The following ZBTB40 variants were observed in gnomAD, a reference collection of about 807,000 sequenced individuals.
ZBTB40 encodes the protein zinc finger and BTB domain containing 40.
ZBTB40 carries 60 observed loss-of-function variants against 117.5 expected under a neutral mutation model. The ratio of observed to expected loss-of-function variants is 0.51; its 90% CI spans 0.41 to 0.63. The LOEUF is 0.63. ZBTB40 is among the 30% of genes least tolerant of loss of function. The pLI is 0.00. For synonymous variants in ZBTB40, 525 were observed against 577.1 expected (o/e 0.91, Z 1.29); for missense variants, 1,287 against 1,498.5 (o/e 0.86, Z 2.33).
chr1:22,468,043 C>T (rs1035143411), intron 1 of ZBTB40, among the ~76,000 whole-genome samples: 3 of 150,042 alleles, frequency 2.0e-5, no homozygotes, highest in Non-Finnish European at 4.4e-5. Context: ...GAGCCAAGGT[C>T]GCACCACTGT....
At chr1:22,488,674 G>A (rs1282273636) in intron 1 of ZBTB40, among the ~76,000 whole-genome samples, 1 of 152,210 alleles carries the variant, frequency 6.6e-6, no homozygotes, top group African/African-American at 2.4e-5. Flanking sequence ...GGCTTGCTAG[G>A]CCATTGTAAG....
chr1:22,512,903 T>A, intron 11 of ZBTB40, 21 bp from the exon 12 acceptor site: 1 of 1,613,636 alleles, frequency 6.2e-7, no homozygotes, highest in South Asian at 1.1e-5. Context: ...TTCTGGCCTC[T>A]GGTGTGCTTG....
intron 6 of ZBTB40, 100 bp downstream of exon 6, chr1:22,506,341 T>C: frequency 2.5e-6 from 3 of 1,188,886 alleles, no homozygotes; most frequent in Non-Finnish European, 3.7e-6. Flanking sequence ...TAAGATTATG[T>C]TAAGAAATGT....
At chr1:22,439,670 C>G (rs898629704) in intron 1 of ZBTB40, among the ~76,000 whole-genome samples, 2 of 152,126 alleles carry the variant, frequency 1.3e-5, no homozygotes, top group Non-Finnish European at 2.9e-5. Flanking sequence ...TTTCTAAGCT[C>G]TTTATTCTAC....
chr1:22,484,683 AG>A (rs1361030477), intron 1 of ZBTB40, among the ~76,000 whole-genome samples: 3 of 152,202 alleles, frequency 2.0e-5, no homozygotes, highest in African/African-American at 7.2e-5. Context: ...ACAGTGTTTA[AG>A]ATCAGTGGTG....
intron 1 of ZBTB40, among the ~76,000 whole-genome samples, chr1:22,472,314 G>T (rs757862777): frequency 1.1e-4 from 16 of 151,880 alleles, no homozygotes; most frequent in Non-Finnish European, 2.4e-4. Context: ...CTCCCAAGTA[G>T]CCGGGACTAT....
chr1:22,485,773 G>A (rs1430739218), intron 1 of ZBTB40, among the ~76,000 whole-genome samples: 1 of 151,644 alleles, frequency 6.6e-6, no homozygotes, highest in Non-Finnish European at 1.5e-5. Context: ...TTTCGTTTTG[G>A]ATTGTTACGT....
chr1:22,505,944 A>C, intron 5 of ZBTB40, 105 bp from the exon 6 acceptor site: 1 of 1,136,002 alleles, frequency 8.8e-7, no homozygotes, highest in East Asian at 2.4e-5. Context: ...GAGGACTTGG[A>C]GATCAGGCAT....
At chr1:22,473,259 C>T (rs556599588) in intron 1 of ZBTB40, among the ~76,000 whole-genome samples, 5 of 152,106 alleles carry the variant, frequency 3.3e-5, no homozygotes, top group South Asian at 4.2e-4. Flanking sequence ...TAGCAAGATC[C>T]GCAGGTGATT....
At chr1:22,504,935 C>G (rs1452144468) in intron 5 of ZBTB40, among the ~76,000 whole-genome samples, 1 of 152,130 alleles carries the variant, frequency 6.6e-6, no homozygotes, top group Non-Finnish European at 1.5e-5. Flanking sequence ...GATACAAGCT[C>G]TTAATTTTTA....
At chr1:22,485,284 CA>C (rs1638434761) in intron 1 of ZBTB40, among the ~76,000 whole-genome samples, 2 of 152,092 alleles carry the variant, frequency 1.3e-5, no homozygotes, top group Admixed American at 1.3e-4. Context: ...CTGTTGCTTC[CA>C]CTTTGGGGAG....
intron 1 of ZBTB40, among the ~76,000 whole-genome samples, chr1:22,446,144 C>T (rs1015190861): frequency 2.0e-5 from 3 of 150,960 alleles, no homozygotes; most frequent in East Asian, 2.0e-4. Context: ...GCCTTTGATA[C>T]GCTTATTATA....
chr1:22,486,457 C>T (rs1638468545), intron 1 of ZBTB40, among the ~76,000 whole-genome samples: 1 of 152,200 alleles, frequency 6.6e-6, no homozygotes, highest in Admixed American at 6.5e-5. Context: ...ACAGAGTGCT[C>T]TGGCAGATTT....
chr1:22,514,787 A>G (rs1323760310), intron 12 of ZBTB40, among the ~76,000 whole-genome samples: 4 of 152,186 alleles, frequency 2.6e-5, no homozygotes, highest in African/African-American at 9.7e-5. Flanking sequence ...ATGAGTGGCA[A>G]GCTGTTAGTC....
intron 9 of ZBTB40, 150 bp from the exon 10 acceptor site, chr1:22,511,029 C>A: frequency 2.0e-6 from 2 of 986,248 alleles, no homozygotes; most frequent in Non-Finnish European, 3.1e-6. Context: ...GAGCTGTCCA[C>A]TACATTTATC....
At chr1:22,491,003 C>T (rs1297368748) in intron 2 of ZBTB40, among the ~76,000 whole-genome samples, 1 of 152,198 alleles carries the variant, frequency 6.6e-6, no homozygotes, top group African/African-American at 2.4e-5. Context: ...TCAAGCAATT[C>T]TCCTGCCTCA....
chr1:22,465,265 C>T (rs537395622), intron 1 of ZBTB40, among the ~76,000 whole-genome samples: 2 of 152,248 alleles, frequency 1.3e-5, no homozygotes, highest in East Asian at 3.9e-4. Context: ...AGGGTAACTC[C>T]TCTCTGCGGG....
intron 1 of ZBTB40, among the ~76,000 whole-genome samples, chr1:22,484,646 C>T (rs1192626693): frequency 3.3e-5 from 5 of 152,126 alleles, no homozygotes; most frequent in Non-Finnish European, 7.4e-5. Context: ...CTTTTCTTGT[C>T]TTGTTGCATT....
intron 3 of ZBTB40, among the ~76,000 whole-genome samples, chr1:22,495,748 G>A (rs1009180503): frequency 1.3e-5 from 2 of 152,126 alleles, no homozygotes; most frequent in African/African-American, 4.8e-5. Flanking sequence ...CTGACCTCAG[G>A]TGATCCATCC....
Sources: allele counts gnomAD v4.1 joint callset (sites outside exome capture counted in the v4.1 genomes callset), GRCh38; gene constraint gnomAD v4.1.1; transcripts MANE v1.5; gene names NCBI Gene and HGNC (gene_info 2026-07-23, HGNC 2026-07-21).